The following OPCML variants were observed in gnomAD, a reference collection of about 807,000 sequenced individuals.
OPCML encodes the protein opioid binding protein/cell adhesion molecule like.
A neutral mutation model predicts 37.8 loss-of-function variants in OPCML; 13 were observed. The ratio of observed to expected loss-of-function variants is 0.34; its 90% CI spans 0.22 to 0.55. The LOEUF (loss-of-function observed/expected upper bound fraction) is 0.55. Ranked by LOEUF, OPCML falls within the 20% of genes least tolerant of loss-of-function variation. OPCML has a pLI of 0.91. For missense variants in OPCML, 341 were observed against 435.6 expected (o/e 0.78, Z 1.93); for synonymous variants, 176 against 168.8 (o/e 1.04, Z -0.33).
At chr11:133,223,727 T>C (rs1176180105) in intron 1 of OPCML, among the ~76,000 whole-genome samples, 2 of 152,232 alleles carry the variant, frequency 1.3e-5, no homozygotes, top group South Asian at 2.1e-4. Flanking sequence ...TTGTTTGTTT[T>C]GTTTCGTTTT....
chr11:133,078,268 G>T (rs1403976762), intron 1 of OPCML, among the ~76,000 whole-genome samples: 3 of 152,154 alleles, frequency 2.0e-5, no homozygotes, highest in African/African-American at 4.8e-5. Context: ...TAAACATGGG[G>T]CTGAGTGAAA....
At chr11:132,549,117 C>T (rs977711411) in intron 3 of OPCML, among the ~76,000 whole-genome samples, 12 of 152,084 alleles carry the variant, frequency 7.9e-5, no homozygotes, top group Admixed American at 3.3e-4. Flanking sequence ...ATAAAGATCA[C>T]GCCGATAAAA....
chr11:133,469,926 T>C (rs1947067217), intron 1 of OPCML, among the ~76,000 whole-genome samples: 1 of 152,244 alleles, frequency 6.6e-6, no homozygotes, highest in African/African-American at 2.4e-5. Context: ...TTCACAATAA[T>C]CTCTGCCACC....
At chr11:132,835,203 G>A (rs1416529794) in intron 2 of OPCML, among the ~76,000 whole-genome samples, 1 of 152,180 alleles carries the variant, frequency 6.6e-6, no homozygotes, top group Non-Finnish European at 1.5e-5. Flanking sequence ...TGGCATGAGA[G>A]AGGTTTCATA....
At chr11:133,490,095 C>G (rs1947622812) in intron 1 of OPCML, among the ~76,000 whole-genome samples, 1 of 152,128 alleles carries the variant, frequency 6.6e-6, no homozygotes, top group Non-Finnish European at 1.5e-5. Context: ...GATATATACC[C>G]TAAAATCAGC....
chr11:132,619,199 C>G (rs1214911512), intron 3 of OPCML, among the ~76,000 whole-genome samples: 1 of 152,144 alleles, frequency 6.6e-6, no homozygotes, highest in African/African-American at 2.4e-5. Flanking sequence ...GTCGCTTCCT[C>G]AGCAAAGCCA....
intron 1 of OPCML, among the ~76,000 whole-genome samples, chr11:133,291,942 T>A (rs1195429178): frequency 6.6e-6 from 1 of 152,266 alleles, no homozygotes; most frequent in Non-Finnish European, 1.5e-5. Flanking sequence ...TTCTGCAGTC[T>A]GTGAAGGCAC....
At chr11:133,359,325 G>A (rs1944362771) in intron 1 of OPCML, among the ~76,000 whole-genome samples, 1 of 152,108 alleles carries the variant, frequency 6.6e-6, no homozygotes, top group Non-Finnish European at 1.5e-5. Context: ...TCTGTCAGGG[G>A]TACCTTTCCA....
At chr11:133,119,475 T>C (rs1330647774) in intron 1 of OPCML, among the ~76,000 whole-genome samples, 2 of 151,998 alleles carry the variant, frequency 1.3e-5, no homozygotes, top group Non-Finnish European at 2.9e-5. Flanking sequence ...CCTGGGTCCC[T>C]TCATCCAAAG....
chr11:133,497,223 T>C (rs1382809355), intron 1 of OPCML, among the ~76,000 whole-genome samples: 1 of 152,172 alleles, frequency 6.6e-6, no homozygotes, highest in Non-Finnish European at 1.5e-5. Context: ...TCTTTTTTCT[T>C]TGTCATTGTT....
intron 1 of OPCML, among the ~76,000 whole-genome samples, chr11:133,481,434 C>T (rs1027340219): frequency 2.1e-5 from 3 of 141,610 alleles, no homozygotes; most frequent in Non-Finnish European, 4.6e-5. Context: ...AATTCTTCTC[C>T]CCAGTTAAAA....
At chr11:132,640,316 G>A (rs1940778144) in intron 3 of OPCML, among the ~76,000 whole-genome samples, 1 of 152,072 alleles carries the variant, frequency 6.6e-6, no homozygotes, top group Non-Finnish European at 1.5e-5. Context: ...AGGAACCCCG[G>A]GATAAGCACA....
rs372700145 is a variant in OPCML, at chr11:133,334,344, A to G, written c.61+197920T>C. Among the ~76,000 whole-genome samples the G allele has an allele frequency of 5.9e-5, 9 of 152,348 alleles. No individual in the cohort carries two copies. In the East Asian group the frequency reaches 1.2e-3, roughly 20 times the overall value. On this transcript the variant is annotated intron_variant, in intron 1 of 7. Transcript: ENST00000524381. ...AAAAGAACAAGATCATGTCTTTTGC[A>G]GGAACATGGATAAAGCTGGAGGCTA...
intron 3 of OPCML, among the ~76,000 whole-genome samples, chr11:132,585,765 T>C (rs1343744981): frequency 6.6e-6 from 1 of 152,214 alleles, no homozygotes; most frequent in African/African-American, 2.4e-5. Flanking sequence ...AGTCTGAGGA[T>C]AGTTACCGCA....
At position 133,524,623 on chromosome 11, in the gene OPCML, C is replaced by T. The variant is rs147893228; in HGVS notation, c.61+7641G>A. 2.3e-3 allele frequency among the ~76,000 whole-genome samples: 345 copies of T among 152,368 alleles called. 1 individual carries two copies. The highest frequency in any genetic ancestry group is 7.8e-3 in the African/African-American group (324 of 41,578). Reference sequence around the variant, plus strand: ...ATCTGTGTTTACGGAACGACTCACACTCTCAGGCGTGTCTGTCGCAGTGTG... The same window carrying T: ...ATCTGTGTTTACGGAACGACTCACATTCTCAGGCGTGTCTGTCGCAGTGTG... On this transcript the variant is annotated intron_variant, in intron 1 of 7. Coordinates refer to ENST00000524381, the MANE Select transcript of OPCML (RefSeq NM_001012393.5).
At chr11:132,679,336 A>T (rs558717575) in intron 2 of OPCML, among the ~76,000 whole-genome samples, 2 of 152,330 alleles carry the variant, frequency 1.3e-5, no homozygotes, top group South Asian at 2.1e-4. Flanking sequence ...AAAAAGGAAA[A>T]ATAGCCCAAA....
chr11:132,951,376 G>A (rs61909276), intron 1 of OPCML, among the ~76,000 whole-genome samples: 5,225 of 152,196 alleles, frequency 0.034, 124 homozygotes, highest in Middle Eastern at 0.061. Flanking sequence ...CTACCTTCTC[G>A]CTCTGTGCTC....
chr11:133,016,985 A>G (rs1565399609), intron 1 of OPCML, among the ~76,000 whole-genome samples: 1 of 152,206 alleles, frequency 6.6e-6, no homozygotes, highest in African/African-American at 2.4e-5. Context: ...AACAAGCTGT[A>G]ACTTTTCTCA....
chr11:133,299,412 T>G (rs752915619), intron 1 of OPCML: 1 of 152,276 alleles, frequency 6.6e-6, no homozygotes, highest in Non-Finnish European at 1.5e-5. Flanking sequence ...AAGCAGCTTA[T>G]GAACATCACC....
Sources: gnomAD v4.1 joint callset for allele counts (sites outside exome capture counted in the v4.1 genomes callset) on GRCh38, gnomAD v4.1.1 for gene constraint, MANE v1.5 for transcripts, NCBI Gene and HGNC (gene_info 2026-07-23, HGNC 2026-07-21) for gene names.